The following SYBU variants were observed in gnomAD, a reference collection of about 807,000 sequenced individuals.
The protein encoded by SYBU is syntabulin, also known as GOLSYN A protein.
A neutral mutation model predicts 35.9 loss-of-function variants in SYBU; 21 were observed. The observed-to-expected ratio is 0.58, with a 90% CI of 0.41 to 0.84. The LOEUF is 0.84. SYBU is among the 40% of genes least tolerant of loss of function. SYBU has a pLI of 0.00. For missense variants in SYBU, 768 were observed against 848.2 expected, an observed-to-expected ratio of 0.91 and a Z score of 1.17; for synonymous variants, 319 against 324.3, an observed-to-expected ratio of 0.98 and a Z score of 0.18.
chr8:109,666,114 A>G (rs1230873773), intron 1 of SYBU, among the ~76,000 whole-genome samples: 4 of 152,226 alleles, frequency 2.6e-5, no homozygotes, highest in Non-Finnish European at 5.9e-5. Flanking sequence ...TGCTGCTTTC[A>G]GATGGAAGAG....
At chr8:109,663,261 A>G (rs1198975648) in intron 1 of SYBU, among the ~76,000 whole-genome samples, 1 of 102,526 alleles carries the variant, frequency 9.8e-6, no homozygotes, top group Admixed American at 1.1e-4. Context: ...ATACATACAG[A>G]TAGATAGATA....
intron 3 of SYBU, 128 bp from the exon 4 acceptor site, chr8:109,586,290 G>T: frequency 1.5e-6 from 1 of 647,266 alleles, no homozygotes; most frequent in Non-Finnish European, 2.7e-6. Flanking sequence ...AGATTCCAGG[G>T]CTTCCAGGCT....
chr8:109,629,978 T>C (rs1276509638), intron 2 of SYBU, among the ~76,000 whole-genome samples: 1 of 152,110 alleles, frequency 6.6e-6, no homozygotes, highest in African/African-American at 2.4e-5. Flanking sequence ...CTTTGCCCAC[T>C]TTTTGATGGG....
intron 2 of SYBU, among the ~76,000 whole-genome samples, chr8:109,631,929 AG>A (rs1813669787): frequency 1.3e-5 from 2 of 150,454 alleles, no homozygotes; most frequent in African/African-American, 4.9e-5. Flanking sequence ...TTAAAGGCTC[AG>A]TTTTTTTTTT....
chr8:109,621,615 C>G (rs901899187), intron 2 of SYBU, among the ~76,000 whole-genome samples: 1 of 152,186 alleles, frequency 6.6e-6, no homozygotes, highest in African/African-American at 2.4e-5. Flanking sequence ...TGGCACTGAA[C>G]CAGCCCACAG....
chr8:109,625,785 ACT>A (rs1812921786), intron 2 of SYBU, among the ~76,000 whole-genome samples: 1 of 152,088 alleles, frequency 6.6e-6, no homozygotes, highest in Non-Finnish European at 1.5e-5. Context: ...AATTTTTCTC[ACT>A]GTTATTAAAA....
chr8:109,688,137 A>T (rs550353697), intron 1 of SYBU, among the ~76,000 whole-genome samples: 1 of 152,282 alleles, frequency 6.6e-6, no homozygotes, highest in East Asian at 1.9e-4. Flanking sequence ...AAGCTATAAT[A>T]TATATTTATT....
intron 3 of SYBU, among the ~76,000 whole-genome samples, chr8:109,597,752 C>T (rs1329359135): frequency 1.3e-5 from 2 of 152,158 alleles, no homozygotes; most frequent in Admixed American, 1.3e-4. Context: ...GAAGTAACTG[C>T]TATGCTTTTT....
Position 109,576,083 on chromosome 8 carries a change from C to T in SYBU, c.885-70G>A, listed in dbSNP as rs1822280966. ...AAAAAAAAAAAAACTTTCAACTGGG[C>T]AACAGGCAGTTCAGGCAGTTCTGGC... is the stretch of plus-strand genomic sequence containing the variant. On this transcript the variant is annotated intron_variant, in intron 6 of 6. Coordinates refer to ENST00000276646, the MANE Select transcript of SYBU (RefSeq NM_001099754.2). 3 of 1,426,530 alleles carry T rather than the reference C, an allele frequency of 2.1e-6. No individual in the cohort carries two copies. The South Asian group carries it at 4.5e-5, about 21-fold the overall frequency. 88.4% of individuals were successfully genotyped at this position (1,426,530 alleles called of 1,614,324 possible).
At chr8:109,671,768 CA>C (rs1398517357) in intron 1 of SYBU, among the ~76,000 whole-genome samples, 16 of 152,056 alleles carry the variant, frequency 1.1e-4, no homozygotes, top group Admixed American at 6.6e-5. Context: ...TTAATATGCA[CA>C]AAAGATGCTA....
intron 3 of SYBU, among the ~76,000 whole-genome samples, chr8:109,597,367 GATC>G (rs1035086136): frequency 1.3e-5 from 2 of 152,160 alleles, no homozygotes; most frequent in African/African-American, 4.8e-5. Flanking sequence ...GCGAAGAAAA[GATC>G]ATCATTTTAA....
chr8:109,675,988 T>C (rs541245121), intron 1 of SYBU, among the ~76,000 whole-genome samples: 3 of 152,318 alleles, frequency 2.0e-5, no homozygotes, highest in African/African-American at 4.8e-5. Flanking sequence ...GTTTAACATA[T>C]GCAAATCAAT....
intron 3 of SYBU, among the ~76,000 whole-genome samples, chr8:109,601,744 A>C (rs1443644292): frequency 1.3e-5 from 2 of 152,158 alleles, no homozygotes; most frequent in Non-Finnish European, 2.9e-5. Context: ...AGAGGAAGAA[A>C]AACACAGGGC....
intron 3 of SYBU, among the ~76,000 whole-genome samples, chr8:109,608,393 A>C (rs998371997): frequency 2.6e-5 from 4 of 152,334 alleles, no homozygotes; most frequent in Admixed American, 2.6e-4. Flanking sequence ...ATTTTATGGC[A>C]AACACAAATT....
chr8:109,665,216 T>C (rs1463273606), intron 1 of SYBU, among the ~76,000 whole-genome samples: 1 of 152,184 alleles, frequency 6.6e-6, no homozygotes, highest in African/African-American at 2.4e-5. Context: ...ATTATTTCGG[T>C]ATGTAACAAT....
upstream of SYBU, chr8:109,647,481 C>T (rs1031545556): frequency 1.3e-5 from 2 of 152,136 alleles, no homozygotes; most frequent in African/African-American, 4.8e-5. Context: ...ATTTTTACCC[C>T]CAAGAGAGCT....
At chr8:109,668,818 C>A (rs1386494624) in intron 1 of SYBU, among the ~76,000 whole-genome samples, 2 of 152,072 alleles carry the variant, frequency 1.3e-5, no homozygotes, top group East Asian at 3.9e-4. Flanking sequence ...GTAATTCAAG[C>A]TTAATAACTT....
At chr8:109,648,282 A>ATATAATATATG (rs1210712801), upstream of SYBU, among the ~76,000 whole-genome samples, 1 of 146,258 alleles carries the variant, frequency 6.8e-6, no homozygotes, top group African/African-American at 2.5e-5. Context: ...TATAATATAT[A>ATATAATATATG]TATATATCTC....
intron 2 of SYBU, among the ~76,000 whole-genome samples, chr8:109,620,580 G>A (rs1040654396): frequency 1.2e-4 from 18 of 152,072 alleles, no homozygotes; most frequent in African/African-American, 3.4e-4. Context: ...CTTGATAATC[G>A]TGTTTTGACT....
Sources: allele counts gnomAD v4.1 joint callset (sites outside exome capture counted in the v4.1 genomes callset), GRCh38; gene constraint gnomAD v4.1.1; transcripts MANE v1.5; gene names NCBI Gene and HGNC (gene_info 2026-07-23, HGNC 2026-07-21).